The following SOX5 variants were observed in gnomAD, a reference collection of about 807,000 sequenced individuals.
SOX5 encodes SRY-box transcription factor 5.
SOX5 carries 9 observed loss-of-function variants against 92.0 expected under a neutral mutation model. The observed-to-expected ratio is 0.10, with a 90% CI of 0.06 to 0.17. The LOEUF (loss-of-function observed/expected upper bound fraction) is 0.17. Among genes scored for constraint, SOX5 ranks in the 10% least tolerant of loss-of-function variants. SOX5 has a pLI of 1.00. For missense variants in SOX5, 642 were observed against 944.5 expected (o/e 0.68, Z 4.20); for synonymous variants, 344 against 336.3 (o/e 1.02, Z -0.25).
intron 3 of SOX5, among the ~76,000 whole-genome samples, chr12:23,767,845 T>C (rs1210094821): frequency 6.6e-6 from 1 of 151,610 alleles, no homozygotes; most frequent in Non-Finnish European, 1.5e-5. Flanking sequence ...ATATATATAA[T>C]AAATGATAAA....
chr12:24,227,024 C>G (rs1962193804), intron 3 of SOX5: 1 of 152,180 alleles, frequency 6.6e-6, no homozygotes, highest in Non-Finnish European at 1.5e-5. Context: ...AATGAGACAG[C>G]CTGGAGATGA....
In SOX5 at chr12:23,694,614, C is replaced by A. The variant is rs575459662; in HGVS notation, c.811-29050G>T. Among the ~76,000 whole-genome samples the A allele has an allele frequency of 9.2e-5, 14 of 152,184 alleles. No homozygotes were observed. In the East Asian group the frequency reaches 2.3e-3, roughly 25 times the overall value. ...AATAATGTAATTTATGTGAAAAATG[C>A]AGAAAACCACCAACAACACAATCAC... is the stretch of plus-strand genomic sequence containing the variant. On this transcript the variant is annotated intron_variant, in intron 6 of 14. Coordinates refer to ENST00000451604, the MANE Select transcript of SOX5 (RefSeq NM_006940.6).
chr12:24,112,606 C>G (rs911135877), intron 4 of SOX5, among the ~76,000 whole-genome samples: 1 of 144,784 alleles, frequency 6.9e-6, no homozygotes, highest in Non-Finnish European at 1.5e-5. Flanking sequence ...TCACGGCTCA[C>G]TGCAGACTTG....
intron 9 of SOX5, among the ~76,000 whole-genome samples, chr12:23,602,983 G>A (rs1380373247): frequency 6.6e-6 from 1 of 152,066 alleles, no homozygotes; most frequent in Non-Finnish European, 1.5e-5. Flanking sequence ...AGTGGCATAT[G>A]TATACTCCTA....
chr12:23,725,929 T>C (rs964794097), intron 6 of SOX5, among the ~76,000 whole-genome samples: 13 of 152,166 alleles, frequency 8.5e-5, no homozygotes, highest in Non-Finnish European at 1.5e-5. Flanking sequence ...AATTTTCCAC[T>C]TCTAGAATAC....
chr12:24,003,001 G>C (rs1951768654), intron 4 of SOX5, among the ~76,000 whole-genome samples: 1 of 152,060 alleles, frequency 6.6e-6, no homozygotes, highest in African/African-American at 2.4e-5. Flanking sequence ...TAAAGGGTTG[G>C]TTTAATATCT....
chr12:24,110,995 G>A (rs1947282337), intron 4 of SOX5, among the ~76,000 whole-genome samples: 2 of 147,510 alleles, frequency 1.4e-5, no homozygotes, highest in African/African-American at 2.5e-5. Flanking sequence ...AGGATTTCTC[G>A]ACCCTTGGCA....
chr12:24,258,174 A>C (rs12308811), intron 3 of SOX5, among the ~76,000 whole-genome samples: 5 of 151,846 alleles, frequency 3.3e-5, no homozygotes, highest in Admixed American at 6.6e-5. Context: ...TCCGTCAAAA[A>C]ACACACACAC....
intron 2 of SOX5, among the ~76,000 whole-genome samples, chr12:24,355,920 G>A (rs889685650): frequency 6.6e-6 from 1 of 152,112 alleles, no homozygotes; most frequent in African/African-American, 2.4e-5. Flanking sequence ...AGAATAAAAT[G>A]TCTGATTTAG....
Position 24,432,852 on chromosome 12 carries a change from TAC to T in SOX5, c.-250-64215_-250-64214del, listed in dbSNP as rs35695644. On this transcript the variant is annotated intron_variant, in intron 1 of 4. Coordinates refer to the SOX5 transcript ENST00000446891. ...TGCATGTTTTGTTAAAGGTGTAAAATACACACACACACACACAGAGTATGATC... is the reference window on the plus strand; with the variant it reads ...TGCATGTTTTGTTAAAGGTGTAAAATACACACACACACACAGAGTATGATC... Among the ~76,000 whole-genome samples the T allele has an allele frequency of 4.7e-3, 714 of 150,494 alleles. 10 individuals are homozygous for T. The East Asian group carries it at 0.051, about 11-fold the overall frequency.
At chr12:24,280,053 T>C (rs960383330) in intron 2 of SOX5, among the ~76,000 whole-genome samples, 9 of 152,074 alleles carry the variant, frequency 5.9e-5, no homozygotes, top group Non-Finnish European at 1.0e-4. Flanking sequence ...GGACTGTGAA[T>C]CTAATGGACC....
intron 1 of SOX5, among the ~76,000 whole-genome samples, chr12:24,417,034 T>C (rs974808308): frequency 1.3e-5 from 2 of 152,194 alleles, no homozygotes; most frequent in Admixed American, 6.5e-5. Flanking sequence ...TGGCAAGCCA[T>C]GTGAGGATCC....
At chr12:23,954,464 A>G (rs545104341), upstream of SOX5, among the ~76,000 whole-genome samples, 59 of 150,350 alleles carry the variant, frequency 3.9e-4, no homozygotes, top group African/African-American at 1.4e-3. Flanking sequence ...AAAAAAAAAG[A>G]AAGAAAGAAA....
chr12:24,280,417 A>G (rs138477333), intron 2 of SOX5, among the ~76,000 whole-genome samples: 79 of 152,354 alleles, frequency 5.2e-4, no homozygotes, highest in African/African-American at 1.9e-3. Flanking sequence ...ATCTTGTTTC[A>G]TAACTTAAAG....
intron 10 of SOX5, among the ~76,000 whole-genome samples, chr12:23,570,590 C>G (rs530739137): frequency 6.6e-6 from 1 of 151,644 alleles, no homozygotes; most frequent in East Asian, 1.9e-4. Context: ...CCAGACTGGA[C>G]AACATGAGAA....
intron 4 of SOX5, among the ~76,000 whole-genome samples, chr12:24,133,684 C>T (rs1037751537): frequency 4.6e-5 from 7 of 152,046 alleles, no homozygotes; most frequent in Middle Eastern, 3.2e-3. Flanking sequence ...TGACCTTCAC[C>T]CTGCTGTAAA....
At chr12:23,658,866 C>A (rs751220496) in intron 7 of SOX5, among the ~76,000 whole-genome samples, 5 of 152,162 alleles carry the variant, frequency 3.3e-5, no homozygotes, top group Non-Finnish European at 7.4e-5. Context: ...GCACTCCAGC[C>A]TGGGCAACAG....
intron 1 of SOX5, among the ~76,000 whole-genome samples, chr12:24,384,726 T>C (rs1488608781): frequency 3.3e-5 from 5 of 152,168 alleles, no homozygotes; most frequent in African/African-American, 1.2e-4. Context: ...ATGAACTTTG[T>C]GGGTGGAGGA....
At chr12:23,895,358 G>C (rs1364561303) in intron 2 of SOX5, among the ~76,000 whole-genome samples, 1 of 151,830 alleles carries the variant, frequency 6.6e-6, no homozygotes, top group Non-Finnish European at 1.5e-5. Flanking sequence ...GAATATTATA[G>C]AGTCCAATCT....
Sources: allele counts gnomAD v4.1 joint callset (sites outside exome capture counted in the v4.1 genomes callset), GRCh38; gene constraint gnomAD v4.1.1; transcripts MANE v1.5; gene names NCBI Gene and HGNC (gene_info 2026-07-23, HGNC 2026-07-21).